NKAIN2: variants seen among roughly 807,000 people sequenced by gnomAD.
NKAIN2 encodes sodium/potassium-transporting ATPase subunit beta-1-interacting protein 2.
In NKAIN2, 14 loss-of-function variants were observed where a neutral mutation model predicts 32.6. The ratio of observed to expected loss-of-function variants is 0.43; its 90% CI spans 0.28 to 0.67. NKAIN2 has a LOEUF of 0.67. NKAIN2 is among the 30% of genes least tolerant of loss of function. The pLI is 0.17. For missense variants in NKAIN2, 198 were observed against 258.3 expected (o/e 0.77, Z 1.60); for synonymous variants, 80 against 87.2 (o/e 0.92, Z 0.46).
intron 1 of NKAIN2, among the ~76,000 whole-genome samples, chr6:124,047,538 A>G (rs1418931615): frequency 6.6e-6 from 1 of 151,996 alleles, no homozygotes; most frequent in Non-Finnish European, 1.5e-5. Flanking sequence ...AAGGAAAGCA[A>G]CATAGGAGAT....
chr6:124,165,664 C>G, intron 1 of NKAIN2, among the ~76,000 whole-genome samples: 1 of 135,352 alleles, frequency 7.4e-6, no homozygotes, highest in South Asian at 2.8e-4. Context: ...TATCCCTCCC[C>G]CCTCCCCCTA....
intron 1 of NKAIN2, among the ~76,000 whole-genome samples, chr6:124,277,948 G>C (rs1332082203): frequency 1.3e-5 from 2 of 151,290 alleles, no homozygotes; most frequent in Admixed American, 1.3e-4. Context: ...CTACATATAA[G>C]TTTTATTTTA....
intron 3 of NKAIN2, among the ~76,000 whole-genome samples, chr6:124,449,698 A>C (rs1317841670): frequency 9.9e-5 from 15 of 151,902 alleles, no homozygotes. Flanking sequence ...TCACACACAC[A>C]CCCACATGTC....
Position 124,149,150 on chromosome 6 carries a change from AG to A in NKAIN2, c.55-133853del, listed in dbSNP as rs529296370. 2.2e-3 allele frequency among the ~76,000 whole-genome samples: 330 copies of A among 151,974 alleles called. 1 individual carries two copies. The highest frequency in any genetic ancestry group is 7.6e-3 in the African/African-American group (315 of 41,380). ...AATCCTTTTCCCACTTAAAAAAAAAAGGTTACTTTTATTTTCATTATTGAAT... is the reference window on the plus strand; with the variant it reads ...AATCCTTTTCCCACTTAAAAAAAAAAGTTACTTTTATTTTCATTATTGAAT... On this transcript the variant is annotated intron_variant, in intron 1 of 6. Coordinates refer to ENST00000368417, the MANE Select transcript of NKAIN2 (RefSeq NM_001040214.3).
chr6:124,114,960 GA>G (rs1323779074), intron 1 of NKAIN2, among the ~76,000 whole-genome samples: 1 of 152,126 alleles, frequency 6.6e-6, no homozygotes, highest in Non-Finnish European at 1.5e-5. Context: ...AGGAATTTAA[GA>G]GACAGGTCAG....
At chr6:124,211,172 C>A (rs552694411) in intron 1 of NKAIN2, among the ~76,000 whole-genome samples, 3 of 151,890 alleles carry the variant, frequency 2.0e-5, no homozygotes, top group East Asian at 1.9e-4. Flanking sequence ...AGAAACAGAG[C>A]CACTTTAGTA....
chr6:124,067,801 G>A (rs2114872171), intron 1 of NKAIN2, among the ~76,000 whole-genome samples: 1 of 152,224 alleles, frequency 6.6e-6, no homozygotes, highest in Admixed American at 6.5e-5. Flanking sequence ...ACTTCACAGG[G>A]CAAATGTGTG....
chr6:124,169,764 A>G (rs143289303), intron 1 of NKAIN2, among the ~76,000 whole-genome samples: 1,552 of 152,060 alleles, frequency 0.01, 26 homozygotes, highest in South Asian at 0.041. Flanking sequence ...TAGGTGGAAA[A>G]TCTTACCTCT....
chr6:124,515,134 A>G (rs1181356055), intron 3 of NKAIN2, among the ~76,000 whole-genome samples: 1 of 152,150 alleles, frequency 6.6e-6, no homozygotes, highest in Non-Finnish European at 1.5e-5. Flanking sequence ...CTTTATTCAC[A>G]TTATATTTAA....
At chr6:123,824,451 C>T (rs17086183) in intron 1 of NKAIN2, among the ~76,000 whole-genome samples, 18,413 of 152,038 alleles carry the variant, frequency 0.12, 1,892 homozygotes, top group East Asian at 0.56. Flanking sequence ...TGCAAAAACC[C>T]GTCTAGCTAC....
chr6:124,503,120 C>T (rs926130039), intron 3 of NKAIN2, among the ~76,000 whole-genome samples: 5 of 151,950 alleles, frequency 3.3e-5, no homozygotes, highest in Admixed American at 6.6e-5. Context: ...CTTCACTTTA[C>T]GTTTTCTACA....
chr6:123,995,355 C>G (rs1234702504), intron 1 of NKAIN2, among the ~76,000 whole-genome samples: 1 of 152,140 alleles, frequency 6.6e-6, no homozygotes, highest in African/African-American at 2.4e-5. Flanking sequence ...GATGGAATCC[C>G]TTTTTCATGG....
At chr6:123,942,129 C>T (rs1776854853) in intron 1 of NKAIN2, among the ~76,000 whole-genome samples, 1 of 151,684 alleles carries the variant, frequency 6.6e-6, no homozygotes, top group African/African-American at 2.4e-5. Flanking sequence ...AACAGTTGTC[C>T]CAATGGTTTC....
rs145902055 is a variant in NKAIN2, at chr6:124,632,113, G to A, written c.274-26073G>A. On this transcript the variant is annotated intron_variant, in intron 3 of 6. Coordinates refer to ENST00000368417, the MANE Select transcript of NKAIN2 (RefSeq NM_001040214.3). ...TTTCATATTGGTGATAATGACATAC[G>A]TTTAAATAGTGTAAATTCAGATAGC... 1.6e-4 allele frequency among the ~76,000 whole-genome samples: 25 copies of A among 152,198 alleles called. No individual in the cohort carries two copies. The East Asian group carries it at 3.7e-3, about 22-fold the overall frequency.
chr6:124,782,595 T>C (rs1779321153), intron 4 of NKAIN2, among the ~76,000 whole-genome samples: 2 of 152,274 alleles, frequency 1.3e-5, no homozygotes, highest in Middle Eastern at 3.4e-3. Flanking sequence ...CTACTAATGT[T>C]AGAGAATATT....
chr6:123,862,963 GC>G (rs1328661869), intron 1 of NKAIN2, among the ~76,000 whole-genome samples: 1 of 152,182 alleles, frequency 6.6e-6, no homozygotes, highest in Non-Finnish European at 1.5e-5. Context: ...ATAGCAGGTA[GC>G]CAATGAGTAA....
chr6:124,538,879 A>G (rs75570427), intron 3 of NKAIN2, among the ~76,000 whole-genome samples: 8,935 of 152,166 alleles, frequency 0.059, 356 homozygotes, highest in Non-Finnish European at 0.081. Flanking sequence ...CAAAATATGT[A>G]ATTGCATATG....
chr6:123,938,652 C>G (rs995572910), intron 1 of NKAIN2, among the ~76,000 whole-genome samples: 3 of 134,808 alleles, frequency 2.2e-5, no homozygotes, highest in African/African-American at 8.5e-5. Context: ...AATTTTTTCC[C>G]TATGGCAGAC....
intron 1 of NKAIN2, among the ~76,000 whole-genome samples, chr6:124,259,491 A>C (rs1205713552): frequency 6.6e-6 from 1 of 152,156 alleles, no homozygotes; most frequent in Non-Finnish European, 1.5e-5. Flanking sequence ...AAAGACTATT[A>C]CCATCAGTTC....
Sources: allele counts gnomAD v4.1 joint callset (sites outside exome capture counted in the v4.1 genomes callset), GRCh38; gene constraint gnomAD v4.1.1; transcripts MANE v1.5; gene names NCBI Gene and HGNC (gene_info 2026-07-23, HGNC 2026-07-21).